Variants in P4HA1 observed in about 807,000 individuals in gnomAD.
The protein encoded by P4HA1 is prolyl 4-hydroxylase subunit alpha 1.
Under a neutral mutation model 72.8 loss-of-function variants are expected in P4HA1, and 24 were observed. The ratio of observed to expected loss-of-function variants is 0.33; its 90% confidence interval spans 0.24 to 0.46. The LOEUF (loss-of-function observed/expected upper bound fraction) is 0.46. Ranked by LOEUF, P4HA1 falls within the 20% of genes least tolerant of loss-of-function variation. P4HA1 has a pLI of 1.00. For synonymous variants in P4HA1, 201 were observed against 218.8 expected (o/e 0.92, Z 0.72); for missense variants, 446 against 640.6 (o/e 0.70, Z 3.28).
rs184362340 is a variant in P4HA1 at position 73,052,729 on chromosome 10, C to T, written c.703+622G>A. On this transcript the variant is annotated intron_variant, in intron 6 of 14. Coordinates refer to ENST00000394890, the MANE Select transcript of P4HA1 (RefSeq NM_001017962.3). ...AATAATTTTTAAAGTTTTAAAGCTT[C>T]GTTATATACCAAAGGCCACCTAAAC... Among the ~76,000 whole-genome samples, 11 of 152,208 alleles carry T rather than the reference C, an allele frequency of 7.2e-5. No homozygotes were observed. The East Asian group carries it at 2.1e-3, about 29-fold the overall frequency.
At chr10:73,083,114 T>C (rs1367542849) in intron 1 of P4HA1, among the ~76,000 whole-genome samples, 3 of 152,220 alleles carry the variant, frequency 2.0e-5, no homozygotes, top group African/African-American at 7.2e-5. Context: ...CTTAACAGGA[T>C]GTATCTTCCA....
chr10:73,068,120 T>C (rs556777382), intron 5 of P4HA1, among the ~76,000 whole-genome samples: 12 of 152,352 alleles, frequency 7.9e-5, no homozygotes, highest in African/African-American at 2.6e-4. Flanking sequence ...TTTTATTTAC[T>C]ATTATACCAT....
intron 5 of P4HA1, chr10:73,065,334 T>C (rs1019447835): frequency 6.6e-6 from 1 of 152,104 alleles, no homozygotes; most frequent in Admixed American, 6.5e-5. Flanking sequence ...TTAAGAACTA[T>C]AAGGACAACA....
At chr10:73,020,786 CAG>C (rs1564619985) in intron 10 of P4HA1, among the ~76,000 whole-genome samples, 2 of 152,242 alleles carry the variant, frequency 1.3e-5, no homozygotes, top group East Asian at 1.9e-4. Flanking sequence ...ACCACATAAA[CAG>C]AATTAAAAAC....
intron 9 of P4HA1, among the ~76,000 whole-genome samples, chr10:73,031,064 A>T (rs1229188768): frequency 1.3e-5 from 2 of 152,122 alleles, no homozygotes; most frequent in African/African-American, 2.4e-5. Flanking sequence ...CTTGTACAGA[A>T]TTTTTTATGG....
chr10:73,093,119 C>CT (rs1215911852), intron 1 of P4HA1, among the ~76,000 whole-genome samples: 3 of 136,694 alleles, frequency 2.2e-5, no homozygotes, highest in African/African-American at 8.6e-5. Flanking sequence ...GATCCTATCT[C>CT]TTAAAAAAAA....
chr10:73,095,231 A>T (rs1445104531), intron 1 of P4HA1, among the ~76,000 whole-genome samples: 1 of 104,806 alleles, frequency 9.5e-6, no homozygotes, highest in Admixed American at 8.5e-5. Flanking sequence ...ACAAGCTAAA[A>T]AAAAAAAAAA....
chr10:73,008,397 T>C, intron 14 of P4HA1, 105 bp from the exon 15 acceptor site: 1 of 722,530 alleles, frequency 1.4e-6, no homozygotes, highest in Admixed American at 2.4e-5. Context: ...GGGATAAAAG[T>C]TCAACACCAA....
At chr10:73,076,227 G>T (rs1182125710) in intron 1 of P4HA1, among the ~76,000 whole-genome samples, 1 of 152,094 alleles carries the variant, frequency 6.6e-6, no homozygotes, top group African/African-American at 2.4e-5. Flanking sequence ...CTCTTGGTTT[G>T]ACTTAGTTTG....
chr10:73,021,555 TAG>T (rs1274543302), intron 10 of P4HA1, among the ~76,000 whole-genome samples: 2 of 152,176 alleles, frequency 1.3e-5, no homozygotes, highest in Non-Finnish European at 2.9e-5. Flanking sequence ...AAGCCCAGCA[TAG>T]ACAAATATCA....
chr10:73,018,633 G>A (rs1368168084), intron 10 of P4HA1, among the ~76,000 whole-genome samples: 1 of 151,962 alleles, frequency 6.6e-6, no homozygotes, highest in African/African-American at 2.4e-5. Context: ...GCCTCATCCA[G>A]GGCACCTCAT....
rs71021545 is a variant in P4HA1 at position 73,037,571 on chromosome 10, ATTTTTT to A, written c.1149-7207_1149-7202del. Reference sequence around the variant, plus strand: ...TATATATATATATATATATATATATATTTTTTTTTTTTTTTTTTTACAAAGGCAAAA... The same window carrying A: ...TATATATATATATATATATATATATATTTTTTTTTTTTTACAAAGGCAAAA... On this transcript the variant is annotated intron_variant, in intron 9 of 14. Transcript: ENST00000394890. Among the ~76,000 whole-genome samples, 63 of 30,604 alleles carry A rather than the reference ATTTTTT, an allele frequency of 2.1e-3. 2 individuals are homozygous for A. The highest frequency in any genetic ancestry group is 7.2e-3 in the African/African-American group (57 of 7,920). The allele number at this position is 30,604 out of a possible 152,430, so 20.1% of individuals were successfully genotyped here.
At chr10:73,030,110 C>T (rs1840400730) in intron 10 of P4HA1, among the ~76,000 whole-genome samples, 161 bp downstream of exon 10, 1 of 152,112 alleles carries the variant, frequency 6.6e-6, no homozygotes, top group Admixed American at 6.6e-5. Context: ...CACAATTTTT[C>T]CCATTATTAA....
chr10:73,059,425 A>T (rs796621482), intron 5 of P4HA1, among the ~76,000 whole-genome samples: 275 of 49,874 alleles, frequency 5.5e-3, no homozygotes, highest in African/African-American at 0.017. Context: ...CAATATATTT[A>T]AAAAAAAAAA....
intron 1 of P4HA1, among the ~76,000 whole-genome samples, chr10:73,090,701 T>A (rs995592126): frequency 2.0e-5 from 3 of 152,138 alleles, no homozygotes; most frequent in Non-Finnish European, 2.9e-5. Context: ...AAATACAATA[T>A]TAAGGTTTTT....
At chr10:73,066,367 G>A (rs1841422928) in intron 5 of P4HA1, among the ~76,000 whole-genome samples, 1 of 152,108 alleles carries the variant, frequency 6.6e-6, no homozygotes, top group African/African-American at 2.4e-5. Flanking sequence ...TTGCCCCTAA[G>A]ACTAAACACA....
intron 5 of P4HA1, among the ~76,000 whole-genome samples, chr10:73,057,454 C>T (rs566070756): frequency 2.9e-4 from 44 of 152,232 alleles, no homozygotes; most frequent in African/African-American, 1.0e-3. Context: ...GGCGCTACTG[C>T]ACTCCAGCCT....
chr10:73,007,652 A>AG lies in P4HA1; in HGVS notation c.*569dup, dbSNP rs979581087. 1 of 152,128 alleles carries AG rather than the reference A, an allele frequency of 6.6e-6. No individual in the cohort carries two copies. The highest frequency in any genetic ancestry group is 2.4e-5 in the African/African-American group (1 of 41,408). 9.4% of individuals were successfully genotyped at this position (152,128 alleles called of 1,614,324 possible). ...CACCACAGAGGAGCTAAAAGAAAAG[A>AG]GAGGGGGTTGGTAAAATACAGTATA... On this transcript the variant is annotated 3_prime_UTR_variant, in exon 15 of 15. Coordinates refer to ENST00000394890, the MANE Select transcript of P4HA1 (RefSeq NM_001017962.3).
At chr10:73,045,532 T>C (rs1840836458) in intron 8 of P4HA1, among the ~76,000 whole-genome samples, 1 of 151,432 alleles carries the variant, frequency 6.6e-6, no homozygotes, top group African/African-American at 2.5e-5. Context: ...GGTCAATCTT[T>C]TGTCCCTTCA....
Sources: gnomAD v4.1 joint callset for allele counts (sites outside exome capture counted in the v4.1 genomes callset) on GRCh38, gnomAD v4.1.1 for gene constraint, MANE v1.5 for transcripts, NCBI Gene and HGNC (gene_info 2026-07-23, HGNC 2026-07-21) for gene names.